The following GPATCH2 variants were observed in gnomAD, a reference collection of about 807,000 sequenced individuals.
The protein encoded by GPATCH2 is G-patch domain containing 2, also known as G patch domain-containing protein 2.
A neutral mutation model predicts 58.0 loss-of-function variants in GPATCH2; 51 were observed. That is an observed-to-expected ratio of 0.88 (90% CI 0.70 to 1.11). GPATCH2 has a LOEUF of 1.11. Among genes scored for constraint, GPATCH2 ranks in the 50% most tolerant of loss-of-function variants. The pLI, the probability that GPATCH2 is intolerant of heterozygous loss-of-function variation, is 0.00. For synonymous variants in GPATCH2, 222 were observed against 218.5 expected (o/e 1.02, Z -0.14); for missense variants, 625 against 652.2 (o/e 0.96, Z 0.45).
At chr1:217,476,604 C>T (rs1267733986) in intron 8 of GPATCH2, among the ~76,000 whole-genome samples, 1 of 152,070 alleles carries the variant, frequency 6.6e-6, no homozygotes, top group East Asian at 1.9e-4. Context: ...AGGCACTGAA[C>T]CCAGTGCTGC....
intron 9 of GPATCH2, among the ~76,000 whole-genome samples, chr1:217,441,595 T>TC (rs1355198781): frequency 9.9e-5 from 15 of 152,072 alleles, no homozygotes; most frequent in Non-Finnish European, 2.1e-4. Context: ...AATTTATCCA[T>TC]TGACAAAGGG....
chr1:217,553,077 TA>T (rs933501610), intron 5 of GPATCH2, among the ~76,000 whole-genome samples: 1 of 152,118 alleles, frequency 6.6e-6, no homozygotes, highest in Non-Finnish European at 1.5e-5. Flanking sequence ...TCATTTTTCT[TA>T]AGGGGAAACA....
rs1275934688 is a variant in GPATCH2 at position 217,449,080 on chromosome 1, C to T, written c.1366+169G>A. ...TATACGTTAACCTGGAAGATCTACA[C>T]ATGGAACATGTAATACACCCTGATA... On this transcript the variant is annotated intron_variant, in intron 9 of 9. Coordinates refer to ENST00000366935, the MANE Select transcript of GPATCH2 (RefSeq NM_018040.5). Among the ~76,000 whole-genome samples, 5 of 152,210 alleles carry T rather than the reference C, an allele frequency of 3.3e-5. No individual in the cohort carries two copies. In the East Asian group the frequency reaches 7.7e-4, roughly 23 times the overall value.
At position 217,491,690 on chromosome 1, in the gene GPATCH2, T is replaced by C. The variant is rs76687334; in HGVS notation, c.1267A>G (p.Thr423Ala). The change falls in exon 8 of 10, where the codon ACA (threonine) becomes GCA (alanine). Residue 423 changes from threonine (T) to alanine (A), a missense_variant. Transcript: ENST00000366935. ...TTTTGAATTGCTTACCTGCTGGCTG[T>C]TCTCACAGAACAATTTTTCTTGTGT... ...RGHKKNCSVR[T>A]ASRQTSMHLG... is the part of the protein sequence containing the mutation. The C allele has an allele frequency of 2.7e-6, 4 of 1,485,438 alleles. No homozygotes were observed. The South Asian group carries it at 4.7e-5, about 17-fold the overall frequency. 92.0% of individuals were successfully genotyped at this position (1,485,438 alleles called of 1,614,324 possible). A position where few individuals can be genotyped will look rare whatever the true frequency, so the allele number is the denominator to read the frequency against.
intron 5 of GPATCH2, among the ~76,000 whole-genome samples, chr1:217,549,132 G>C (rs1331289010): frequency 6.6e-6 from 1 of 152,044 alleles, no homozygotes; most frequent in Non-Finnish European, 1.5e-5. Context: ...AAATAGTTAA[G>C]TTTTGGCAGC....
At chr1:217,579,047 A>G (rs1165401139) in intron 5 of GPATCH2, among the ~76,000 whole-genome samples, 1 of 152,218 alleles carries the variant, frequency 6.6e-6, no homozygotes. Context: ...AATTATGCCT[A>G]AATCTTTTCA....
intron 6 of GPATCH2, among the ~76,000 whole-genome samples, chr1:217,509,512 G>A (rs1235701127): frequency 1.3e-5 from 2 of 152,002 alleles, no homozygotes; most frequent in African/African-American, 2.4e-5. Context: ...TATCTTCTGC[G>A]AGCTAGTCTC....
intron 5 of GPATCH2, among the ~76,000 whole-genome samples, chr1:217,540,562 T>G (rs2102643333): frequency 6.6e-6 from 1 of 152,304 alleles, no homozygotes; most frequent in East Asian, 1.9e-4. Context: ...TTCGAAACAA[T>G]AAAACCATTT....
At chr1:217,468,515 C>A (rs1472394244) in intron 8 of GPATCH2, among the ~76,000 whole-genome samples, 1 of 142,620 alleles carries the variant, frequency 7.0e-6, no homozygotes, top group Non-Finnish European at 1.5e-5. Flanking sequence ...GCACACACAA[C>A]CACACACACA....
At chr1:217,617,726 AATAGTTT>A (rs1668962224) in intron 2 of GPATCH2, among the ~76,000 whole-genome samples, 1 of 152,190 alleles carries the variant, frequency 6.6e-6, no homozygotes, top group Admixed American at 6.5e-5. Flanking sequence ...GACAACAGAA[AATAGTTT>A]ATAAATAAGT....
intron 5 of GPATCH2, among the ~76,000 whole-genome samples, chr1:217,548,776 T>G (rs536829752): frequency 5.3e-5 from 8 of 152,242 alleles, no homozygotes; most frequent in Middle Eastern, 3.4e-3. Flanking sequence ...GCATCTGGCA[T>G]TTCCCCTGCT....
chr1:217,620,779 A>T (rs1244992568), intron 1 of GPATCH2, among the ~76,000 whole-genome samples: 1 of 152,214 alleles, frequency 6.6e-6, no homozygotes. Flanking sequence ...CTGTATAATT[A>T]TGGAAAAGTT....
At chr1:217,452,670 AC>A (rs1659723321) in intron 8 of GPATCH2, among the ~76,000 whole-genome samples, 1 of 152,098 alleles carries the variant, frequency 6.6e-6, no homozygotes, top group Non-Finnish European at 1.5e-5. Context: ...CCTCTTCTAA[AC>A]CTTTTTTTTT....
chr1:217,441,543 A>G (rs879292495), intron 9 of GPATCH2, among the ~76,000 whole-genome samples: 4 of 152,238 alleles, frequency 2.6e-5, no homozygotes, highest in African/African-American at 4.8e-5. Flanking sequence ...AAAAGAAACT[A>G]TCATCAGAGT....
chr1:217,490,717 A>T (rs1462468343), intron 8 of GPATCH2, among the ~76,000 whole-genome samples: 1 of 152,186 alleles, frequency 6.6e-6, no homozygotes, highest in Non-Finnish European at 1.5e-5. Context: ...TATTTCTATA[A>T]ACATCTCATC....
At chr1:217,595,795 C>T (rs73105663) in intron 5 of GPATCH2, among the ~76,000 whole-genome samples, 4,964 of 152,078 alleles carry the variant, frequency 0.033, 269 homozygotes, top group African/African-American at 0.11. Flanking sequence ...CCACCGCACC[C>T]GGCCGATCCT....
intron 1 of GPATCH2, among the ~76,000 whole-genome samples, chr1:217,625,778 T>C (rs576799452): frequency 1.7e-4 from 26 of 152,218 alleles, no homozygotes; most frequent in South Asian, 1.2e-3. Context: ...AGGTCAGGCA[T>C]TCAAGACCAG....
At chr1:217,438,614 A>G (rs1658969931) in intron 9 of GPATCH2, among the ~76,000 whole-genome samples, 1 of 152,178 alleles carries the variant, frequency 6.6e-6, no homozygotes, top group African/African-American at 2.4e-5. Context: ...AAGAAAATAT[A>G]TCAGAGATTG....
At chr1:217,567,838 C>T (rs66490158) in intron 5 of GPATCH2, among the ~76,000 whole-genome samples, 30,224 of 152,138 alleles carry the variant, frequency 0.2, 3,942 homozygotes, top group East Asian at 0.49. Context: ...TATTTATGGC[C>T]AGGCGTGGTG....
Sources: gnomAD v4.1 joint callset for allele counts (sites outside exome capture counted in the v4.1 genomes callset) on GRCh38, gnomAD v4.1.1 for gene constraint, MANE v1.5 for transcripts, NCBI Gene and HGNC (gene_info 2026-07-23, HGNC 2026-07-21) for gene names.